Variants in NXPE3 observed in about 807,000 individuals in gnomAD.
The protein encoded by NXPE3 is neurexophilin and PC-esterase domain family member 3.
Under a neutral mutation model 46.1 loss-of-function variants are expected in NXPE3, and 26 were observed. The observed-to-expected ratio is 0.56, with a 90% CI of 0.41 to 0.78. The LOEUF (loss-of-function observed/expected upper bound fraction) is 0.78, where lower values mean the gene tolerates loss of function less well. Ranked by LOEUF, NXPE3 falls within the 30% of genes least tolerant of loss-of-function variation. The probability of loss-of-function intolerance (pLI) is 0.00; values close to 1 mark genes in which losing one functional copy is unlikely to be tolerated. For synonymous variants in NXPE3, 272 were observed against 257.9 expected, an observed-to-expected ratio of 1.05 and a Z score of -0.52; for missense variants, 620 against 686.0, an observed-to-expected ratio of 0.90 and a Z score of 1.07.
chr3:101,825,082 A>G lies in NXPE3; in HGVS notation c.*3128A>G, dbSNP rs1018120907. 5 of 152,158 alleles carry G rather than the reference A, an allele frequency of 3.3e-5. No homozygotes were observed. Among genetic ancestry groups the G allele is most frequent in the Admixed American group, 6.5e-5 (1 of 15,274 alleles). 9.4% of individuals were successfully genotyped at this position (152,158 alleles called of 1,614,324 possible). On this transcript the variant is annotated 3_prime_UTR_variant, in exon 8 of 8. Transcript: ENST00000273347. ...AACTTACGTCATGGGGGTTTGTTGT[A>G]TAGATGATTTCATCACCCAGGTGTT... is the stretch of plus-strand genomic sequence containing the variant.
chr3:101,799,811 G>A (rs917384861), intron 4 of NXPE3, among the ~76,000 whole-genome samples: 2 of 152,120 alleles, frequency 1.3e-5, no homozygotes, highest in African/African-American at 4.8e-5. Context: ...TATCCTTCAA[G>A]GAATTGGTCC....
intron 4 of NXPE3, among the ~76,000 whole-genome samples, chr3:101,798,584 G>A (rs1576748710): frequency 9.3e-6 from 1 of 106,994 alleles, no homozygotes; most frequent in African/African-American, 3.6e-5. Context: ...ATATATGTGT[G>A]TCTATATATA....
In NXPE3 at chr3:101,802,525, T is replaced by C. The variant is rs1014875997; in HGVS notation, c.848+536T>C. ...TAGTCAGGCTGGTGTTTTATCTTTG[T>C]ATCTAATGAACTGAAACTTTAAAAA... is the stretch of plus-strand genomic sequence containing the variant. On this transcript the variant is annotated intron_variant, in intron 5 of 7. Coordinates refer to ENST00000273347, the MANE Select transcript of NXPE3 (RefSeq NM_145037.4). Among the ~76,000 whole-genome samples the C allele has an allele frequency of 5.6e-4, 85 of 151,964 alleles. 2 individuals are homozygous for C. Among genetic ancestry groups the C allele is most frequent in the African/African-American group, 2.0e-3 (81 of 41,238 alleles).
chr3:101,784,232 CAGTCATAATTGGTAT>C (rs1302710174), intron 3 of NXPE3, among the ~76,000 whole-genome samples: 2 of 151,870 alleles, frequency 1.3e-5, no homozygotes, highest in Non-Finnish European at 2.9e-5. Context: ...TAAAAAAATA[CAGTCATAATTGGTAT>C]AGTCTAGTTT....
At chr3:101,787,433 A>G (rs1414799644) in intron 4 of NXPE3, among the ~76,000 whole-genome samples, 1 of 152,088 alleles carries the variant, frequency 6.6e-6, no homozygotes, top group Non-Finnish European at 1.5e-5. Context: ...CAGCCTTCTG[A>G]GTAGCTGGGA....
rs562171986 is a variant in NXPE3, at chr3:101,783,252, A to G, written c.-196+472A>G. ...AATTTGTTGTATTTTTAGTAGAGAC[A>G]AGGTTTCACCATGTTAGCCAGGATG... On this transcript the variant is annotated intron_variant, in intron 3 of 7. Transcript: ENST00000273347. Among the ~76,000 whole-genome samples, 13 of 151,998 alleles carry G rather than the reference A, an allele frequency of 8.6e-5. No individual in the cohort carries two copies. The East Asian group carries it at 2.3e-3, about 27-fold the overall frequency.
intron 4 of NXPE3, among the ~76,000 whole-genome samples, chr3:101,796,160 C>T (rs1162663134): frequency 6.6e-6 from 1 of 152,200 alleles, no homozygotes; most frequent in African/African-American, 2.4e-5. Flanking sequence ...ACTACCCCTC[C>T]ATCAGTTAGG....
intron 6 of NXPE3, among the ~76,000 whole-genome samples, chr3:101,810,072 C>T (rs549419509): frequency 1.1e-4 from 17 of 152,308 alleles, no homozygotes; most frequent in African/African-American, 3.6e-4. Context: ...AGTGCTACTG[C>T]TACTTGTGGG....
intron 4 of NXPE3, among the ~76,000 whole-genome samples, chr3:101,788,853 C>T (rs149770668): frequency 0.015 from 2,356 of 152,094 alleles, 54 homozygotes; most frequent in African/African-American, 0.053. Context: ...TGACCTCAGG[C>T]GATCCACCCA....
At chr3:101,784,553 C>A (rs1046409098) in intron 3 of NXPE3, among the ~76,000 whole-genome samples, 9 of 152,110 alleles carry the variant, frequency 5.9e-5, no homozygotes, top group African/African-American at 2.2e-4. Context: ...TGATTTTGTA[C>A]CCTTTCTGCC....
chr3:101,813,395 C>T (rs1269279704), intron 6 of NXPE3, among the ~76,000 whole-genome samples: 2 of 152,158 alleles, frequency 1.3e-5, no homozygotes, highest in East Asian at 3.8e-4. Flanking sequence ...CCTTTTCGTC[C>T]AACTCTTTCT....
Position 101,780,096 on chromosome 3 carries a change from A to G in NXPE3, c.-498+772A>G, listed in dbSNP as rs1939723955. On this transcript the variant is annotated intron_variant, in intron 1 of 7. Transcript: ENST00000273347. ...TACATTAAAGGGGGATTGTTGCCAC[A>G]TTTCCTAAAGATAAAGAATCACACT... is the stretch of plus-strand genomic sequence containing the variant. 2.6e-5 allele frequency among the ~76,000 whole-genome samples: 4 copies of G among 152,302 alleles called. No individual in the cohort carries two copies. In the South Asian group the frequency reaches 8.3e-4, roughly 32 times the overall value.
intron 4 of NXPE3, among the ~76,000 whole-genome samples, chr3:101,789,985 C>G (rs1429954004): frequency 6.6e-6 from 1 of 152,184 alleles, no homozygotes; most frequent in African/African-American, 2.4e-5. Flanking sequence ...GCCACTGCAT[C>G]CAGCCCCATA....
Position 101,801,869 on chromosome 3 carries a change from C to G in NXPE3, c.728C>G (p.Thr243Ser), listed in dbSNP as rs769814229. The change falls in exon 5 of 8, where the codon ACT (threonine) becomes AGT (serine). Residue 243 changes from threonine to serine, a missense_variant. Physicochemically the swap from Thr to Ser is moderately conservative, Grantham distance 58. This residue lies in a region of NXPE3 where 511 missense variants were observed against 528.6 expected (regional missense o/e 0.97). Coordinates refer to ENST00000273347, the MANE Select transcript of NXPE3 (RefSeq NM_145037.4). ...CTGTGTAACTTTACAGACCTCTACA[C>G]TGGGGAGCCCTGGTTCTGCTTCAAA... Reference protein sequence around the residue: ...LPLCNFTDLYTGEPWFCFKPK... With the variant: ...LPLCNFTDLYSGEPWFCFKPK... 31 of 1,614,062 alleles carry G rather than the reference C, an allele frequency of 1.9e-5. No individual in the cohort carries two copies. Among genetic ancestry groups the G allele is most frequent in the Non-Finnish European group, 2.5e-5 (29 of 1,180,042 alleles).
In NXPE3 at chr3:101,816,929, A is replaced by C. The variant is rs754657116; in HGVS notation, c.1057A>C (p.Arg353=). The C allele has an allele frequency of 6.2e-7, 1 of 1,614,182 alleles. No homozygotes were observed. The highest frequency in any genetic ancestry group is 8.5e-7 in the Non-Finnish European group (1 of 1,180,028). ...DPDNITECLQ[R]KVVHLFGDST... ...TGACAACATTACAGAGTGCTTACAA[A>C]GAAAAGTGGTGCATTTATTTGGTGA... Residue 353 remains arginine (R), a synonymous_variant, in exon 7 of 8, where the codon AGA becomes CGA. Coordinates refer to ENST00000273347, the MANE Select transcript of NXPE3 (RefSeq NM_145037.4).
chr3:101,810,237 C>T (rs976010831), intron 6 of NXPE3, among the ~76,000 whole-genome samples: 2 of 152,192 alleles, frequency 1.3e-5, no homozygotes, highest in African/African-American at 4.8e-5. Flanking sequence ...ATTATCACAG[C>T]TGAGTGGCTC....
At chr3:101,821,094 A>C (rs1942225788) in intron 7 of NXPE3, among the ~76,000 whole-genome samples, 1 of 152,236 alleles carries the variant, frequency 6.6e-6, no homozygotes, top group Non-Finnish European at 1.5e-5. Flanking sequence ...TGGCCTAATA[A>C]TTAGAGAAAA....
chr3:101,822,170 A>ACGGC lies in NXPE3; in HGVS notation c.*216_*217insCGGC. 3.2e-4 allele frequency: 173 copies of ACGGC among 547,142 alleles called. No individual in the cohort carries two copies. Among genetic ancestry groups the ACGGC allele is most frequent in the South Asian group, 1.3e-3 (49 of 38,634 alleles). The allele number at this position is 547,142 out of a possible 1,614,324, so 33.9% of individuals were successfully genotyped here. ...TATCCAATGTTGACTTAGCCATGGT[A>ACGGC]GAACTCTTAACTGCATCTACACACT... is the stretch of plus-strand genomic sequence containing the variant. On this transcript the variant is annotated 3_prime_UTR_variant, in exon 8 of 8. Transcript: ENST00000273347.
intron 5 of NXPE3, among the ~76,000 whole-genome samples, chr3:101,804,998 T>C (rs115272936): frequency 0.017 from 2,602 of 152,356 alleles, 45 homozygotes; most frequent in Middle Eastern, 0.054. Context: ...AACAATGAAC[T>C]CATATACCTT....
Sources: gnomAD v4.1 joint callset for allele counts (sites outside exome capture counted in the v4.1 genomes callset) on GRCh38, gnomAD v4.1.1 for gene constraint, gnomAD v4.1.1 regional missense constraint, MANE v1.5 for transcripts, NCBI Gene and HGNC (gene_info 2026-07-23, HGNC 2026-07-21) for gene names.